MCPH1: variants seen among roughly 807,000 people sequenced by gnomAD.
The protein encoded by MCPH1 is microcephalin.
A neutral mutation model predicts 84.5 loss-of-function variants in MCPH1; 104 were observed. The ratio of observed to expected loss-of-function variants is 1.23; its 90% CI spans 1.05 to 1.45. MCPH1 has a LOEUF of 1.45. Ranked by LOEUF, MCPH1 falls within the 40% of genes most tolerant of loss-of-function variation. MCPH1 has a pLI of 0.00. For synonymous variants in MCPH1, 514 were observed against 366.8 expected (o/e 1.40, Z -4.58); for missense variants, 1,498 against 1,005.7 (o/e 1.49, Z -6.62).
chr8:6,587,405 A>C (rs1828083159), intron 12 of MCPH1, among the ~76,000 whole-genome samples: 1 of 152,156 alleles, frequency 6.6e-6, no homozygotes, highest in Non-Finnish European at 1.5e-5. Flanking sequence ...TATAATTTCC[A>C]TACAATAGAA....
intron 12 of MCPH1, chr8:6,503,266 G>A: frequency 6.2e-7 from 1 of 1,614,072 alleles, no homozygotes; most frequent in Non-Finnish European, 8.5e-7. Flanking sequence ...ACCAGCCTGT[G>A]AAAGTAAAAC....
chr8:6,521,000 A>T lies in MCPH1; in HGVS notation c.2214+21071A>T, dbSNP rs1448966001. On this transcript the variant is annotated intron_variant, in intron 12 of 13. Transcript: ENST00000344683. ...GTATGCTTGGGGTGTTTGCTTCATA[A>T]TAATTAGTATAACATATATTTCCCC... 8.5e-5 allele frequency among the ~76,000 whole-genome samples: 13 copies of T among 152,142 alleles called. No homozygotes were observed. In the South Asian group the frequency reaches 1.0e-3, roughly 12 times the overall value.
chr8:6,439,705 A>C (rs1311875721), intron 6 of MCPH1, among the ~76,000 whole-genome samples: 1 of 152,198 alleles, frequency 6.6e-6, no homozygotes, highest in Admixed American at 6.5e-5. Flanking sequence ...CCTGGCCGTG[A>C]ATCATGTCTT....
chr8:6,451,178 G>A (rs779120282), intron 8 of MCPH1, among the ~76,000 whole-genome samples: 1 of 152,216 alleles, frequency 6.6e-6, no homozygotes, highest in Non-Finnish European at 1.5e-5. Context: ...TAGCCTGCCA[G>A]CCTAACTCAC....
At position 6,536,711 on chromosome 8, in the gene MCPH1, T is replaced by A. The variant is rs1820567740; in HGVS notation, c.2214+36782T>A. 2.0e-5 allele frequency among the ~76,000 whole-genome samples: 3 copies of A among 152,184 alleles called. 1 individual carries two copies. The South Asian group carries it at 6.2e-4, about 32-fold the overall frequency. On this transcript the variant is annotated intron_variant, in intron 12 of 13. Coordinates refer to ENST00000344683, the MANE Select transcript of MCPH1 (RefSeq NM_024596.5). ...AAGATGTCCCATTTAATGTAGCCTT[T>A]CCATAAATCACCACGTATCAAGGAT...
chr8:6,487,691 T>G (rs1810097201), intron 11 of MCPH1, among the ~76,000 whole-genome samples: 2 of 152,242 alleles, frequency 1.3e-5, no homozygotes, highest in Non-Finnish European at 2.9e-5. Flanking sequence ...TTGCTCGCAC[T>G]TGCAAGCTGA....
intron 11 of MCPH1, among the ~76,000 whole-genome samples, chr8:6,487,569 G>T (rs754812487): frequency 1.3e-5 from 2 of 152,220 alleles, no homozygotes; most frequent in Non-Finnish European, 2.9e-5. Flanking sequence ...TCAGTTGGCA[G>T]ATTAACTTCA....
chr8:6,439,285 G>A lies in MCPH1; in HGVS notation c.580+189G>A, dbSNP rs536630273. Reference sequence around the variant, plus strand: ...AAGATTTTTGAAGCATATGTTGGGTGTATAGTATTCTTCAAGTTTAAAATC... The same window carrying A: ...AAGATTTTTGAAGCATATGTTGGGTATATAGTATTCTTCAAGTTTAAAATC... On this transcript the variant is annotated intron_variant, in intron 6 of 13. Coordinates refer to ENST00000344683, the MANE Select transcript of MCPH1 (RefSeq NM_024596.5). Among the ~76,000 whole-genome samples the A allele has an allele frequency of 4.0e-5, 6 of 151,254 alleles. No individual in the cohort carries two copies. The South Asian group carries it at 1.3e-3, about 32-fold the overall frequency.
intron 12 of MCPH1, among the ~76,000 whole-genome samples, chr8:6,563,627 A>G (rs1024330574): frequency 2.0e-5 from 3 of 152,258 alleles, no homozygotes; most frequent in African/African-American, 4.8e-5. Flanking sequence ...AGGAATAAAA[A>G]TATTACAAAT....
At chr8:6,578,385 G>A (rs762178836) in intron 12 of MCPH1, among the ~76,000 whole-genome samples, 1 of 152,220 alleles carries the variant, frequency 6.6e-6, no homozygotes, top group Non-Finnish European at 1.5e-5. Context: ...TCCTGAATGT[G>A]TTTACTTAGG....
chr8:6,516,195 A>T (rs1816233729), intron 12 of MCPH1, among the ~76,000 whole-genome samples: 1 of 152,198 alleles, frequency 6.6e-6, no homozygotes, highest in Non-Finnish European at 1.5e-5. Context: ...CAGTCTGCAC[A>T]AGCTAACCCC....
intron 12 of MCPH1, among the ~76,000 whole-genome samples, chr8:6,565,295 A>G (rs985296866): frequency 3.3e-5 from 5 of 152,370 alleles, no homozygotes; most frequent in Admixed American, 2.6e-4. Context: ...TTCTTCCACC[A>G]TCAAATAGTA....
rs536815870 is a variant in MCPH1 at position 6,632,904 on chromosome 8, T to C, written c.2453-10090T>C. Among the ~76,000 whole-genome samples the C allele has an allele frequency of 5.9e-5, 9 of 152,304 alleles. No homozygotes were observed. In the South Asian group the frequency reaches 1.9e-3, roughly 32 times the overall value. ...AAACACACACACACATAACCAAGTG[T>C]GGTTTAACCTAAGAATGAAAGGATA... is the stretch of plus-strand genomic sequence containing the variant. On this transcript the variant is annotated intron_variant, in intron 13 of 13. Coordinates refer to ENST00000344683, the MANE Select transcript of MCPH1 (RefSeq NM_024596.5).
At chr8:6,445,818 C>G (rs746048913) in intron 8 of MCPH1, 1 of 1,199,942 alleles carries the variant, frequency 8.3e-7, no homozygotes, top group African/African-American at 1.6e-5. Context: ...ATAAGTAGTC[C>G]ATAGTATGAA....
At chr8:6,520,109 A>G in intron 12 of MCPH1, 1 of 1,152,968 alleles carries the variant, frequency 8.7e-7, no homozygotes, top group Non-Finnish European at 1.2e-6. Flanking sequence ...AGTAAGCAAA[A>G]GGCTGTACCA....
In MCPH1 at chr8:6,480,783, G is replaced by C. The variant is rs766496489; in HGVS notation, c.2043G>C (p.Glu681Asp). ...TTTCAATTGCACCAGACGTCTGTGA[G>C]ACCACGACTCACGTGCTTTCCGGGA... The part of the protein sequence containing the change: ...KGFSIAPDVC[E>D]TTTHVLSGKP... The change falls in exon 11 of 14, where the codon GAG becomes GAC. Residue 681 changes from glutamate to aspartate, a missense_variant. Transcript: ENST00000344683. The C allele has an allele frequency of 2.8e-5, 45 of 1,614,102 alleles. No individual in the cohort carries two copies. The highest frequency in any genetic ancestry group is 3.7e-5 in the Non-Finnish European group (44 of 1,180,052).
At chr8:6,432,879 C>A (rs78107377) in intron 4 of MCPH1, among the ~76,000 whole-genome samples, 5,072 of 152,284 alleles carry the variant, frequency 0.033, 238 homozygotes, top group African/African-American at 0.11. Context: ...ATCAGTAGTA[C>A]ATACATATTT....
intron 3 of MCPH1, among the ~76,000 whole-genome samples, chr8:6,418,423 G>T (rs1799628731): frequency 6.6e-6 from 1 of 151,942 alleles, no homozygotes; most frequent in Non-Finnish European, 1.5e-5. Flanking sequence ...GTATTTCCAG[G>T]ACGTATAGCT....
At chr8:6,624,044 C>A (rs1211011077) in intron 13 of MCPH1, among the ~76,000 whole-genome samples, 1 of 152,228 alleles carries the variant, frequency 6.6e-6, no homozygotes, top group African/African-American at 2.4e-5. Flanking sequence ...TCTGACAGCC[C>A]CTTCCTGTGG....
Sources: allele counts gnomAD v4.1 joint callset (sites outside exome capture counted in the v4.1 genomes callset), GRCh38; gene constraint gnomAD v4.1.1; transcripts MANE v1.5; gene names NCBI Gene and HGNC (gene_info 2026-07-23, HGNC 2026-07-21).